ZNF512: variants seen among roughly 807,000 people sequenced by gnomAD.
ZNF512 encodes the protein zinc finger protein 512.
ZNF512 carries 25 observed loss-of-function variants against 77.5 expected under a neutral mutation model. The ratio of observed to expected loss-of-function variants is 0.32; its 90% confidence interval spans 0.23 to 0.45. The LOEUF (loss-of-function observed/expected upper bound fraction) is 0.45. Among genes scored for constraint, ZNF512 ranks in the 20% least tolerant of loss-of-function variants. The pLI is 1.00. For synonymous variants in ZNF512, 246 were observed against 239.9 expected, an observed-to-expected ratio of 1.03 and a Z score of -0.24; for missense variants, 483 against 692.6, an observed-to-expected ratio of 0.70 and a Z score of 3.40.
In ZNF512 at chr2:27,611,211, A is replaced by G. The variant is rs538447587; in HGVS notation, c.1131+3172A>G. Among the ~76,000 whole-genome samples, 6 of 152,314 alleles carry G rather than the reference A, an allele frequency of 3.9e-5. No homozygotes were observed. The South Asian group carries it at 8.3e-4, about 21-fold the overall frequency. Reference sequence around the variant, plus strand: ...GCTTCTCCTAATGCCAACATCTTACATAACCATATCTTAGGATATTATCAG... The same window carrying G: ...GCTTCTCCTAATGCCAACATCTTACGTAACCATATCTTAGGATATTATCAG... On this transcript the variant is annotated intron_variant, in intron 10 of 13. Transcript: ENST00000355467.
At chr2:27,597,197 A>G (rs978935710) in intron 2 of ZNF512, among the ~76,000 whole-genome samples, 1 of 152,202 alleles carries the variant, frequency 6.6e-6, no homozygotes, top group Non-Finnish European at 1.5e-5. Flanking sequence ...CTACATCTAA[A>G]GTGTTACCTT....
chr2:27,617,589 C>T lies in ZNF512; in HGVS notation c.1395+18C>T, dbSNP rs199869448. 8.8e-6 allele frequency: 8 copies of T among 907,864 alleles called. No individual in the cohort carries two copies. The highest frequency in any genetic ancestry group is 7.8e-5 in the South Asian group (6 of 77,128). The allele number at this position is 907,864 out of a possible 1,614,324, so 56.2% of individuals were successfully genotyped here. On this transcript the variant is annotated intron_variant, in intron 13 of 13. Transcript: ENST00000355467. ...ATGCTGAGGTGAGGTTTTTGTAATC[C>T]TGTGGGCCTGATATGTAAGCCACAA... is the stretch of plus-strand genomic sequence containing the variant.
chr2:27,596,115 T>A (rs1333853360), intron 2 of ZNF512, among the ~76,000 whole-genome samples: 1 of 152,246 alleles, frequency 6.6e-6, no homozygotes, highest in Non-Finnish European at 1.5e-5. Context: ...AGGCATTTGT[T>A]AAAATCTCGG....
intron 11 of ZNF512, 136 bp from the exon 12 acceptor site, chr2:27,616,126 C>T (rs899878592): frequency 4.1e-5 from 24 of 580,106 alleles, no homozygotes; most frequent in East Asian, 2.1e-4. Flanking sequence ...CATGTATATT[C>T]TTTTTTCGTT....
chr2:27,593,782 C>CTTTT (rs768572545), intron 2 of ZNF512, among the ~76,000 whole-genome samples: 7 of 134,524 alleles, frequency 5.2e-5, no homozygotes, highest in Admixed American at 7.4e-5. Context: ...TTCTTTCTTT[C>CTTTT]TTTTTTTTTT....
chr2:27,604,368 CT>C (rs1167560589), intron 9 of ZNF512, among the ~76,000 whole-genome samples: 4 of 150,124 alleles, frequency 2.7e-5, no homozygotes, highest in Non-Finnish European at 5.9e-5. Flanking sequence ...CCTGTGGTTT[CT>C]TTTTTTTTAG....
At chr2:27,602,643 C>T in intron 8 of ZNF512, 82 bp downstream of exon 8, 1 of 1,220,322 alleles carries the variant, frequency 8.2e-7, no homozygotes, top group Non-Finnish European at 1.1e-6. Flanking sequence ...TCTTCTCTTC[C>T]TCATTGTAGA....
rs764944924 is a variant in ZNF512 at position 27,623,156 on chromosome 2, A to G, written c.*1695A>G. 1 of 152,462 alleles carries G rather than the reference A, an allele frequency of 6.6e-6. No individual in the cohort carries two copies. The highest frequency in any genetic ancestry group is 1.5e-5 in the Non-Finnish European group (1 of 68,070). The allele number at this position is 152,462 out of a possible 1,614,324, so 9.4% of individuals were successfully genotyped here. ...TGACTCCTTGACACTGTATGGGGGT[A>G]AGAAGATGGCTAGAGATGGGGGTGA... On this transcript the variant is annotated 3_prime_UTR_variant, in exon 14 of 14. Transcript: ENST00000355467.
chr2:27,605,897 A>G (rs1672332771), intron 9 of ZNF512, among the ~76,000 whole-genome samples: 2 of 152,234 alleles, frequency 1.3e-5, no homozygotes, highest in East Asian at 1.9e-4. Context: ...ATTGTTTCCT[A>G]AAGTGGCTGT....
rs184114877 is a variant in ZNF512 at position 27,619,001 on chromosome 2, G to T, written c.1395+1430G>T. Among the ~76,000 whole-genome samples, 5 of 152,306 alleles carry T rather than the reference G, an allele frequency of 3.3e-5. No homozygotes were observed. In the East Asian group the frequency reaches 9.6e-4, roughly 29 times the overall value. ...ACTTCCATAAAATTTGGTTTCTGTTGCTTTACTGGCATAAGCTTTCAGAAT... is the reference window on the plus strand; with the variant it reads ...ACTTCCATAAAATTTGGTTTCTGTTTCTTTACTGGCATAAGCTTTCAGAAT... On this transcript the variant is annotated intron_variant, in intron 13 of 13. Transcript: ENST00000355467.
At chr2:27,609,913 C>T (rs1330888926) in intron 10 of ZNF512, among the ~76,000 whole-genome samples, 1 of 147,872 alleles carries the variant, frequency 6.8e-6, no homozygotes, top group East Asian at 1.9e-4. Flanking sequence ...TGTGTAGTCC[C>T]AGCTATAGTC....
intron 8 of ZNF512, among the ~76,000 whole-genome samples, 176 bp from the exon 9 acceptor site, chr2:27,602,964 G>A (rs566919847): frequency 6.6e-6 from 1 of 152,310 alleles, no homozygotes; most frequent in East Asian, 1.9e-4. Flanking sequence ...CTTGATCAGA[G>A]TAAGATGGCC....
chr2:27,616,133 C>T (rs376092686), intron 11 of ZNF512, 129 bp from the exon 12 acceptor site: 92 of 603,234 alleles, frequency 1.5e-4, no homozygotes, highest in Middle Eastern at 2.7e-4. Context: ...ATTCTTTTTT[C>T]GTTTGTTTTG....
chr2:27,583,836 G>A (rs1671220912), intron 2 of ZNF512, 120 bp downstream of exon 2: 2 of 1,128,724 alleles, frequency 1.8e-6, no homozygotes, highest in African/African-American at 1.6e-5. Context: ...CACTAACCCG[G>A]TGTGGATTTT....
intron 3 of ZNF512, 126 bp from the exon 4 acceptor site, chr2:27,599,457 C>T: frequency 1.5e-6 from 1 of 669,232 alleles, no homozygotes; most frequent in Non-Finnish European, 2.6e-6. Flanking sequence ...AGACATTTCT[C>T]TGAGGCCTGT....
rs555564629 is a variant in ZNF512, at chr2:27,594,764, G to A, written c.90-3303G>A. Among the ~76,000 whole-genome samples, 166 of 152,336 alleles carry A rather than the reference G, an allele frequency of 1.1e-3. 1 individual carries two copies. The highest frequency in any genetic ancestry group is 3.8e-3 in the African/African-American group (159 of 41,578). On this transcript the variant is annotated intron_variant, in intron 2 of 13. Transcript: ENST00000355467. Reference sequence around the variant, plus strand: ...CAGAGGCTGTAGTCTTAGCACTTTGGGAGGCCAAGGCAGGCGGCTGGGAGG... The same window carrying A: ...CAGAGGCTGTAGTCTTAGCACTTTGAGAGGCCAAGGCAGGCGGCTGGGAGG...
chr2:27,605,732 T>G (rs964196192), intron 9 of ZNF512, among the ~76,000 whole-genome samples: 1 of 152,138 alleles, frequency 6.6e-6, no homozygotes, highest in Non-Finnish European at 1.5e-5. Flanking sequence ...TGCTTTGGCC[T>G]CCCAGAATGC....
chr2:27,618,156 G>A (rs547072573), intron 13 of ZNF512, among the ~76,000 whole-genome samples: 1 of 152,152 alleles, frequency 6.6e-6, no homozygotes, highest in East Asian at 1.9e-4. Context: ...CTGACTTCAG[G>A]TGATTCACTC....
chr2:27,585,143 A>G (rs149242696), intron 2 of ZNF512, among the ~76,000 whole-genome samples: 1,779 of 152,322 alleles, frequency 0.012, 16 homozygotes, highest in Non-Finnish European at 0.018. Flanking sequence ...TAGGATGTCT[A>G]TGGGTTTCTG....
Sources: allele counts gnomAD v4.1 joint callset (sites outside exome capture counted in the v4.1 genomes callset), GRCh38; gene constraint gnomAD v4.1.1; transcripts MANE v1.5; gene names NCBI Gene and HGNC (gene_info 2026-07-23, HGNC 2026-07-21).